The following ERBB4 variants were observed in gnomAD, a reference collection of about 807,000 sequenced individuals.
The protein encoded by ERBB4 is receptor tyrosine-protein kinase erbB-4.
A neutral mutation model predicts 158.0 loss-of-function variants in ERBB4; 42 were observed. The observed-to-expected ratio is 0.27, with a 90% CI of 0.21 to 0.34. ERBB4 has a LOEUF of 0.34. Ranked by LOEUF, ERBB4 falls within the 10% of genes least tolerant of loss-of-function variation. The pLI is 1.00. For missense variants in ERBB4, 1,333 were observed against 1,624.1 expected, an observed-to-expected ratio of 0.82 and a Z score of 3.08; for synonymous variants, 583 against 558.7, an observed-to-expected ratio of 1.04 and a Z score of -0.61.
chr2:211,690,942 T>C (rs1454092249), intron 12 of ERBB4, among the ~76,000 whole-genome samples: 1 of 152,222 alleles, frequency 6.6e-6, no homozygotes. Context: ...TCCAGCTGTC[T>C]GTTAAAAATT....
At chr2:211,456,206 G>A (rs1472375310) in intron 20 of ERBB4, among the ~76,000 whole-genome samples, 1 of 152,164 alleles carries the variant, frequency 6.6e-6, no homozygotes, top group Non-Finnish European at 1.5e-5. Flanking sequence ...GATTTGAAGT[G>A]AGAAATGAAT....
At chr2:211,784,905 AT>A (rs2076120791) in intron 4 of ERBB4, among the ~76,000 whole-genome samples, 2 of 152,098 alleles carry the variant, frequency 1.3e-5, no homozygotes, top group African/African-American at 4.8e-5. Context: ...TTTGTGTACC[AT>A]CTTGTAGAAA....
At chr2:212,040,748 T>C (rs1307682112) in intron 2 of ERBB4, among the ~76,000 whole-genome samples, 1 of 152,126 alleles carries the variant, frequency 6.6e-6, no homozygotes, top group Non-Finnish European at 1.5e-5. Flanking sequence ...CTTCAGGCTG[T>C]TTGTGACCTG....
At position 211,785,108 on chromosome 2, in the gene ERBB4, T is replaced by TA. The variant is rs754661001; in HGVS notation, c.556+2916_556+2917insT. ...GATGCACAGCCTTTTTTTTTTTTTT[T>TA]TTTTTATTTTTTGAGACGGAGTCTC... On this transcript the variant is annotated intron_variant, in intron 4 of 27. Transcript: ENST00000342788. 1.5e-3 allele frequency among the ~76,000 whole-genome samples: 212 copies of TA among 142,608 alleles called. 2 individuals are homozygous for TA. The highest frequency in any genetic ancestry group is 5.1e-3 in the South Asian group (23 of 4,500). The allele number at this position is 142,608 out of a possible 152,430, so 93.6% of individuals were successfully genotyped here. A position where few individuals can be genotyped will look rare whatever the true frequency, so the allele number is the denominator to read the frequency against.
At chr2:212,371,207 G>A (rs12104831) in intron 1 of ERBB4, among the ~76,000 whole-genome samples, 29,851 of 151,940 alleles carry the variant, frequency 0.2, 3,083 homozygotes, top group South Asian at 0.26. Flanking sequence ...CCTCTCATCT[G>A]CCATTTTTAG....
At chr2:211,980,221 A>G (rs972060392) in intron 2 of ERBB4, among the ~76,000 whole-genome samples, 1 of 152,206 alleles carries the variant, frequency 6.6e-6, no homozygotes, top group African/African-American at 2.4e-5. Context: ...ATTAGTACAA[A>G]GTGGAGTATT....
chr2:211,767,898 T>C lies in ERBB4; in HGVS notation c.557-17194A>G, dbSNP rs74266959. On this transcript the variant is annotated intron_variant, in intron 4 of 27. Transcript: ENST00000342788. ...CATGACCTCACATTTCAAAATGTAA[T>C]CATGCCCTCCCAACAGACCCCCAAA... Among the ~76,000 whole-genome samples, 5 of 152,266 alleles carry C rather than the reference T, an allele frequency of 3.3e-5. No homozygotes were observed. In the East Asian group the frequency reaches 9.6e-4, roughly 29 times the overall value.
At chr2:212,468,607 C>T (rs1032265050) in intron 1 of ERBB4, among the ~76,000 whole-genome samples, 14 of 152,144 alleles carry the variant, frequency 9.2e-5, no homozygotes, top group Non-Finnish European at 1.5e-4. Flanking sequence ...TAAATTGTCC[C>T]GTCTCAGGTA....
chr2:211,882,127 G>C (rs980570493), intron 3 of ERBB4, among the ~76,000 whole-genome samples: 5 of 152,086 alleles, frequency 3.3e-5, no homozygotes, highest in African/African-American at 1.2e-4. Context: ...GTTATGATGG[G>C]AAATCATTAG....
At chr2:211,826,692 A>G (rs1487465979) in intron 3 of ERBB4, among the ~76,000 whole-genome samples, 1 of 151,968 alleles carries the variant, frequency 6.6e-6, no homozygotes. Flanking sequence ...ACAGGAAACT[A>G]AATTTAGCAA....
chr2:212,079,909 C>T (rs766126488), intron 2 of ERBB4, among the ~76,000 whole-genome samples: 1 of 151,978 alleles, frequency 6.6e-6, no homozygotes, highest in Non-Finnish European at 1.5e-5. Context: ...ATATATTAAT[C>T]TTAGGATTAT....
chr2:211,532,863 G>T (rs1050941653), intron 20 of ERBB4, among the ~76,000 whole-genome samples: 1 of 151,706 alleles, frequency 6.6e-6, no homozygotes, highest in South Asian at 2.1e-4. Flanking sequence ...TCAAATATAT[G>T]CTATTCTTCA....
intron 17 of ERBB4, among the ~76,000 whole-genome samples, chr2:211,629,907 T>G (rs1362238719): frequency 6.6e-6 from 1 of 152,140 alleles, no homozygotes; most frequent in South Asian, 2.1e-4. Flanking sequence ...CAAGATGGAT[T>G]AAAGATTTAA....
intron 12 of ERBB4, among the ~76,000 whole-genome samples, chr2:211,697,138 T>C (rs2073057653): frequency 1.3e-5 from 2 of 152,326 alleles, no homozygotes; most frequent in Admixed American, 1.3e-4. Context: ...CAGATGATTA[T>C]ACTTTACAGG....
intron 25 of ERBB4, among the ~76,000 whole-genome samples, chr2:211,396,504 C>A (rs572792159): frequency 2.6e-5 from 4 of 152,090 alleles, no homozygotes; most frequent in Non-Finnish European, 5.9e-5. Context: ...TAGTAATAAC[C>A]CAAGCTCAGG....
At chr2:212,237,697 T>C (rs113557479) in intron 1 of ERBB4, among the ~76,000 whole-genome samples, 9,502 of 152,238 alleles carry the variant, frequency 0.062, 349 homozygotes, top group Non-Finnish European at 0.081. Flanking sequence ...TTCTCCCAGG[T>C]GCTCTGTCCC....
chr2:212,253,773 G>A (rs1037099973), intron 1 of ERBB4, among the ~76,000 whole-genome samples: 5 of 152,102 alleles, frequency 3.3e-5, no homozygotes, highest in Non-Finnish European at 7.4e-5. Flanking sequence ...GTTAATGAAG[G>A]GGATATGTTC....
intron 2 of ERBB4, among the ~76,000 whole-genome samples, chr2:211,997,749 C>A (rs143207593): frequency 2.0e-5 from 3 of 152,000 alleles, no homozygotes; most frequent in Non-Finnish European, 2.9e-5. Flanking sequence ...CAGAAAAAAC[C>A]ATGTTGACTG....
chr2:211,898,136 C>G (rs970185936), intron 3 of ERBB4, among the ~76,000 whole-genome samples: 7 of 151,988 alleles, frequency 4.6e-5, no homozygotes, highest in Non-Finnish European at 8.8e-5. Context: ...AAGAGTTAGT[C>G]AGTAGCTTTC....
Sources: allele counts gnomAD v4.1 joint callset (sites outside exome capture counted in the v4.1 genomes callset), GRCh38; gene constraint gnomAD v4.1.1; transcripts MANE v1.5; gene names NCBI Gene and HGNC (gene_info 2026-07-23, HGNC 2026-07-21).